Variants in GLIS3 observed in about 807,000 individuals in gnomAD.
The protein encoded by GLIS3 is zinc finger protein GLIS3.
GLIS3 carries 53 observed loss-of-function variants against 78.6 expected under a neutral mutation model. The ratio of observed to expected loss-of-function variants is 0.67; its 90% CI spans 0.54 to 0.85. The LOEUF is 0.85. Ranked by LOEUF, GLIS3 falls within the 40% of genes least tolerant of loss-of-function variation. The pLI, the probability that GLIS3 is intolerant of heterozygous loss-of-function variation, is 0.00. For synonymous variants in GLIS3, 684 were observed against 509.9 expected, an observed-to-expected ratio of 1.34 and a Z score of -4.60; for missense variants, 1,703 against 1,231.1, an observed-to-expected ratio of 1.38 and a Z score of -5.74.
chr9:4,196,504 A>G (rs1352431122), intron 2 of GLIS3, among the ~76,000 whole-genome samples: 2 of 152,202 alleles, frequency 1.3e-5, no homozygotes, highest in East Asian at 3.8e-4. Context: ...AACCCTCACC[A>G]TAAAGTTCTG....
At chr9:4,175,551 G>A (rs1223139198) in intron 2 of GLIS3, among the ~76,000 whole-genome samples, 1 of 152,112 alleles carries the variant, frequency 6.6e-6, no homozygotes, top group Non-Finnish European at 1.5e-5. Flanking sequence ...TAACCGTGGT[G>A]GCTCACAGAC....
intron 2 of GLIS3, among the ~76,000 whole-genome samples, chr9:4,229,926 G>A (rs1268880879): frequency 6.6e-6 from 1 of 152,200 alleles, no homozygotes; most frequent in South Asian, 2.1e-4. Flanking sequence ...GTGGAGCTCT[G>A]AAATTTATTC....
At chr9:4,044,815 T>G (rs1256512649) in intron 4 of GLIS3, among the ~76,000 whole-genome samples, 1 of 152,248 alleles carries the variant, frequency 6.6e-6, no homozygotes, top group East Asian at 1.9e-4. Context: ...TTTCTTTTTA[T>G]CTTTGGGCAG....
At chr9:3,895,002 G>A (rs940907058) in intron 7 of GLIS3, among the ~76,000 whole-genome samples, 4 of 152,066 alleles carry the variant, frequency 2.6e-5, no homozygotes, top group African/African-American at 7.2e-5. Flanking sequence ...GTACAGCTTC[G>A]GTTTGAAAGG....
intron 4 of GLIS3, among the ~76,000 whole-genome samples, chr9:4,099,063 C>G (rs1830169349): frequency 6.6e-6 from 1 of 152,214 alleles, no homozygotes; most frequent in African/African-American, 2.4e-5. Flanking sequence ...TGTCCCACAG[C>G]TTGGCTTACT....
intron 2 of GLIS3, among the ~76,000 whole-genome samples, chr9:4,199,753 A>T (rs146309807): frequency 2.0e-5 from 3 of 152,278 alleles, no homozygotes; most frequent in African/African-American, 7.2e-5. Flanking sequence ...CAGATCATTG[A>T]GGCAAAAAAC....
chr9:3,940,601 G>A (rs1815813733), intron 4 of GLIS3, among the ~76,000 whole-genome samples: 1 of 152,108 alleles, frequency 6.6e-6, no homozygotes, highest in African/African-American at 2.4e-5. Context: ...GAGTTTGCCC[G>A]AGGTTCAAAA....
intron 4 of GLIS3, among the ~76,000 whole-genome samples, chr9:4,099,214 G>A (rs549079409): frequency 6.6e-6 from 1 of 152,296 alleles, no homozygotes; most frequent in South Asian, 2.1e-4. Flanking sequence ...GAAATGCATC[G>A]TCTTTAATGG....
At chr9:4,119,754 C>T (rs576912343) in intron 3 of GLIS3, among the ~76,000 whole-genome samples, 1 of 152,326 alleles carries the variant, frequency 6.6e-6, no homozygotes, top group South Asian at 2.1e-4. Context: ...TTTACAAACA[C>T]ACCCTATGTC....
At chr9:4,442,897 G>C in the GLIS3 span, among the ~76,000 whole-genome samples, 1 of 151,996 alleles carries the variant, frequency 6.6e-6, no homozygotes, top group African/African-American at 2.4e-5. Flanking sequence ...CAGAACACAA[G>C]CTCATAAGAA....
intron 4 of GLIS3, among the ~76,000 whole-genome samples, chr9:4,095,959 A>T (rs1241050548): frequency 6.6e-6 from 1 of 151,848 alleles, no homozygotes; most frequent in Non-Finnish European, 1.5e-5. Flanking sequence ...TGCCTACAAA[A>T]ATGGGCTCCT....
chr9:4,299,074 G>A (rs1313174768), intron 1 of GLIS3, among the ~76,000 whole-genome samples: 2 of 152,074 alleles, frequency 1.3e-5, no homozygotes, highest in Non-Finnish European at 2.9e-5. Flanking sequence ...GTACCCCTCT[G>A]CCCGCTCTAC....
At chr9:4,008,619 T>C (rs1821745614) in intron 4 of GLIS3, among the ~76,000 whole-genome samples, 1 of 152,154 alleles carries the variant, frequency 6.6e-6, no homozygotes, top group Admixed American at 6.6e-5. Flanking sequence ...CTCAGAAGAC[T>C]CTGTATTCAT....
chr9:4,200,760 A>G (rs1819313895), intron 2 of GLIS3, among the ~76,000 whole-genome samples: 1 of 152,192 alleles, frequency 6.6e-6, no homozygotes, highest in Non-Finnish European at 1.5e-5. Context: ...CCAGACATAC[A>G]AAGAAGAGCT....
At chr9:4,049,605 G>C (rs1825543898) in intron 4 of GLIS3, among the ~76,000 whole-genome samples, 1 of 152,020 alleles carries the variant, frequency 6.6e-6, no homozygotes, top group Non-Finnish European at 1.5e-5. Context: ...GCACACATAG[G>C]AATAAGCTTC....
chr9:4,082,452 G>C (rs576874343), intron 4 of GLIS3, among the ~76,000 whole-genome samples: 14 of 152,278 alleles, frequency 9.2e-5, no homozygotes, highest in African/African-American at 1.4e-4. Flanking sequence ...ATTTGAAATG[G>C]GGTGGGCAAG....
the GLIS3 span, among the ~76,000 whole-genome samples, chr9:4,431,863 A>G: frequency 6.9e-6 from 1 of 144,202 alleles, no homozygotes; most frequent in Non-Finnish European, 1.6e-5. Context: ...AAAAAAAAAA[A>G]GCCATATAGT....
intron 4 of GLIS3, chr9:4,071,580 T>C (rs1187925282): frequency 6.6e-6 from 1 of 152,198 alleles, no homozygotes; most frequent in Non-Finnish European, 1.5e-5. Flanking sequence ...AAGGAGTGCA[T>C]GAATATCTGC....
intron 4 of GLIS3, among the ~76,000 whole-genome samples, chr9:4,099,823 T>C (rs1381382271): frequency 1.3e-5 from 2 of 152,252 alleles, no homozygotes; most frequent in Non-Finnish European, 2.9e-5. Context: ...CCACAGAGAA[T>C]TTAAATTGAT....
Sources: allele counts gnomAD v4.1 joint callset (sites outside exome capture counted in the v4.1 genomes callset), GRCh38; gene constraint gnomAD v4.1.1; transcripts MANE v1.5; gene names NCBI Gene and HGNC (gene_info 2026-07-23, HGNC 2026-07-21).